Variants in SPRTN observed in about 807,000 individuals in gnomAD.
The protein encoded by SPRTN is SprT-like N-terminal domain.
In SPRTN, 11 loss-of-function variants were observed where a neutral mutation model predicts 31.9. That is an observed-to-expected ratio of 0.34 (90% CI 0.22 to 0.57). SPRTN has a LOEUF of 0.57. Among genes scored for constraint, SPRTN ranks in the 20% least tolerant of loss-of-function variants. The probability of loss-of-function intolerance (pLI) is 0.86; values close to 1 mark genes in which losing one functional copy is unlikely to be tolerated. For missense variants in SPRTN, 482 were observed against 590.1 expected (o/e 0.82, Z 1.90); for synonymous variants, 185 against 212.1 (o/e 0.87, Z 1.11).
intron 1 of SPRTN, chr1:231,339,341 T>C (rs1028742730): frequency 2.5e-5 from 9 of 362,940 alleles, no homozygotes; most frequent in Non-Finnish European, 3.6e-5. Context: ...AACACCGAAC[T>C]GTAACTTGTC....
At chr1:231,351,786 A>G (rs1479870298) in intron 4 of SPRTN, 2 of 1,189,456 alleles carry the variant, frequency 1.7e-6, no homozygotes, top group Non-Finnish European at 2.1e-6. Context: ...AAGTAGGAAT[A>G]GTTTCCATGG....
chr1:231,343,194 TACTCTATAGCCTAGGTATATAC>T (rs1558363092), intron 2 of SPRTN, among the ~76,000 whole-genome samples: 1 of 152,048 alleles, frequency 6.6e-6, no homozygotes, highest in Non-Finnish European at 1.5e-5. Context: ...TAGGTATATA[TACTCTATAGCCTAGGTATATAC>T]ACTCTATAGC....
rs1687314244 is a variant in SPRTN, at chr1:231,353,833, TTA to T, written c.*473_*474del. The T allele has an allele frequency of 1.0e-6, 1 of 960,666 alleles. No individual in the cohort carries two copies. The highest frequency in any genetic ancestry group is 1.2e-6 in the Non-Finnish European group (1 of 807,374). 59.5% of individuals were successfully genotyped at this position (960,666 alleles called of 1,614,324 possible). On this transcript the variant is annotated 3_prime_UTR_variant, in exon 5 of 5. Transcript: ENST00000295050. The stretch of plus-strand genomic sequence containing the variant: ...AATCTAGACTACAAAGTATATTGTT[TTA>T]GAGTACTCAAATTGTATTATTTATT...
chr1:231,352,227 A>G (rs1572002119), intron 4 of SPRTN: 1 of 997,416 alleles, frequency 1.0e-6, no homozygotes, highest in African/African-American at 1.7e-5. Context: ...CTATAGATGA[A>G]TTGATATGGA....
chr1:231,354,454 C>T lies in SPRTN; in HGVS notation c.*1093C>T. ...AATCTTAAGTGCACAGCTGGGTAAACTTTTACAGTGTTCACCTGTGTAACT... is the reference window on the plus strand; with the variant it reads ...AATCTTAAGTGCACAGCTGGGTAAATTTTTACAGTGTTCACCTGTGTAACT... On this transcript the variant is annotated 3_prime_UTR_variant, in exon 5 of 5. Coordinates refer to ENST00000295050, the MANE Select transcript of SPRTN (RefSeq NM_032018.7). 1.1e-6 allele frequency: 1 copy of T among 909,342 alleles called. No individual in the cohort carries two copies. Among genetic ancestry groups the T allele is most frequent in the Non-Finnish European group, 1.3e-6 (1 of 760,442 alleles). 56.3% of individuals were successfully genotyped at this position (909,342 alleles called of 1,614,324 possible).
In SPRTN at chr1:231,353,519, G is replaced by A; in HGVS notation, c.*158G>A. 9 of 1,346,616 alleles carry A rather than the reference G, an allele frequency of 6.7e-6. No individual in the cohort carries two copies. Among genetic ancestry groups the A allele is most frequent in the Non-Finnish European group, 8.5e-6 (9 of 1,055,462 alleles). The allele number at this position is 1,346,616 out of a possible 1,614,324, so 83.4% of individuals were successfully genotyped here. On this transcript the variant is annotated 3_prime_UTR_variant, in exon 5 of 5. Coordinates refer to ENST00000295050, the MANE Select transcript of SPRTN (RefSeq NM_032018.7). ...ATTTTATATATACGCATATAAGATT[G>A]TAATTTTAAGATGTTTTGTGTCTCA... is the stretch of plus-strand genomic sequence containing the variant.
intron 4 of SPRTN, 191 bp downstream of exon 4, chr1:231,351,762 A>T (rs1687245782): frequency 5.6e-6 from 7 of 1,249,240 alleles, no homozygotes; most frequent in African/African-American, 3.1e-5. Context: ...TTTGCTCTGT[A>T]CAGAAGTAAG....
At chr1:231,351,805 A>G (rs1318690819) in intron 4 of SPRTN, 1 of 1,142,964 alleles carries the variant, frequency 8.7e-7, no homozygotes, top group Non-Finnish European at 1.1e-6. Context: ...GGATATTTTT[A>G]TTTTTATTAA....
At chr1:231,351,681 T>C in intron 4 of SPRTN, 110 bp downstream of exon 4, 1 of 1,508,582 alleles carries the variant, frequency 6.6e-7, no homozygotes, top group Non-Finnish European at 8.8e-7. Context: ...TCGTTTCTGG[T>C]GTAGAAGTCT....
chr1:231,347,764 C>A, intron 2 of SPRTN, 33 bp from the exon 3 acceptor site: 1 of 1,589,162 alleles, frequency 6.3e-7, no homozygotes, highest in Non-Finnish European at 8.5e-7. Context: ...GTCATACAGA[C>A]TCTAAAACTA....
intron 1 of SPRTN, chr1:231,339,565 C>T (rs931428723): frequency 1.4e-6 from 1 of 740,632 alleles, no homozygotes; most frequent in East Asian, 2.8e-5. Flanking sequence ...CTTCCTTGCC[C>T]GGCGGGGATC....
At chr1:231,351,205 TAAAAA>T (rs35814914) in intron 3 of SPRTN, 94 bp from the exon 4 acceptor site, 8,409 of 968,708 alleles carry the variant, frequency 8.7e-3, no homozygotes, top group East Asian at 0.026. Flanking sequence ...TTTCAAAAAT[TAAAAA>T]AAAAAAAAAA....
intron 3 of SPRTN, among the ~76,000 whole-genome samples, chr1:231,349,501 T>C (rs1403161617): frequency 2.0e-5 from 3 of 152,214 alleles, no homozygotes; most frequent in Non-Finnish European, 4.4e-5. Context: ...ATACGTCCCA[T>C]TGTTCAGCTG....
rs1370751577 is a variant in SPRTN at position 231,339,703 on chromosome 1, A to G, written c.222-66A>G. ...CCAACTGAGTTAGTGTGAACTGCCC[A>G]AGAATGTGTAAGGACTTGGGCATAT... On this transcript the variant is annotated intron_variant, in intron 1 of 4. Coordinates refer to ENST00000295050, the MANE Select transcript of SPRTN (RefSeq NM_032018.7). The G allele has an allele frequency of 2.6e-6, 4 of 1,537,800 alleles. No individual in the cohort carries two copies. In the East Asian group the frequency reaches 9.0e-5, roughly 35 times the overall value.
In SPRTN at chr1:231,351,299, C is replaced by G. The variant is rs756380490; in HGVS notation, c.451-5C>G. On this transcript the variant is annotated splice_region_variant and splice_polypyrimidine_tract_variant and intron_variant, in intron 3 of 4. Transcript: ENST00000295050. ...TTGAATACTAAAAATTCTGTCTCCA[C>G]TCAGGTATACCATACTTTTCACGAT... is the stretch of plus-strand genomic sequence containing the variant. The G allele has an allele frequency of 3.2e-6, 5 of 1,555,446 alleles. No individual in the cohort carries two copies. The highest frequency in any genetic ancestry group is 1.7e-6 in the Non-Finnish European group (2 of 1,149,502).
At chr1:231,338,965 G>A (rs1232741734) in intron 1 of SPRTN, among the ~76,000 whole-genome samples, 3 of 152,226 alleles carry the variant, frequency 2.0e-5, no homozygotes, top group African/African-American at 7.2e-5. Flanking sequence ...CTAAGAAAGT[G>A]CTGAGGACGC....
intron 2 of SPRTN, 180 bp from the exon 3 acceptor site, chr1:231,347,617 G>A (rs1037645468): frequency 3.1e-6 from 2 of 648,200 alleles, no homozygotes; most frequent in Non-Finnish European, 4.8e-6. Flanking sequence ...TCCCACCTTT[G>A]CCTCCCAAAG....
At chr1:231,338,658 C>T in intron 1 of SPRTN, 54 bp downstream of exon 1, 6 of 1,597,448 alleles carry the variant, frequency 3.8e-6, no homozygotes, top group Non-Finnish European at 3.4e-6. Flanking sequence ...TTTCCTGCAG[C>T]CCCCGGCCCT....
chr1:231,345,175 G>C (rs1043440911), intron 2 of SPRTN, among the ~76,000 whole-genome samples: 29 of 150,684 alleles, frequency 1.9e-4, no homozygotes, highest in African/African-American at 7.1e-4. Context: ...AGGCTGGAGT[G>C]CAATGGCATG....
Sources: gnomAD v4.1 joint callset for allele counts (sites outside exome capture counted in the v4.1 genomes callset) on GRCh38, gnomAD v4.1.1 for gene constraint, MANE v1.5 for transcripts, NCBI Gene and HGNC (gene_info 2026-07-23, HGNC 2026-07-21) for gene names.